The following EYA2 variants were observed in gnomAD, a reference collection of about 807,000 sequenced individuals.
EYA2 encodes the protein EYA transcriptional coactivator and phosphatase 2, also known as protein phosphatase EYA2.
Under a neutral mutation model 69.2 loss-of-function variants are expected in EYA2, and 31 were observed. The observed-to-expected ratio is 0.45, with a 90% confidence interval of 0.34 to 0.60. The LOEUF (loss-of-function observed/expected upper bound fraction) is 0.60, where lower values mean the gene tolerates loss of function less well. Ranked by LOEUF, EYA2 falls within the 20% of genes least tolerant of loss-of-function variation. The probability of loss-of-function intolerance (pLI) is 0.02; values close to 1 mark genes in which losing one functional copy is unlikely to be tolerated. For synonymous variants in EYA2, 257 were observed against 279.4 expected, an observed-to-expected ratio of 0.92 and a Z score of 0.80; for missense variants, 622 against 701.2, an observed-to-expected ratio of 0.89 and a Z score of 1.28.
chr20:47,162,968 A>G (rs1161989090), intron 10 of EYA2, among the ~76,000 whole-genome samples: 2 of 152,136 alleles, frequency 1.3e-5, no homozygotes, highest in East Asian at 3.8e-4. Context: ...CAATATATCC[A>G]TATAAAAATC....
intron 1 of EYA2, among the ~76,000 whole-genome samples, 168 bp downstream of exon 1, chr20:46,895,155 A>G (rs996389103): frequency 2.0e-5 from 3 of 152,128 alleles, no homozygotes; most frequent in African/African-American, 7.2e-5. Flanking sequence ...CAGGGCCAGG[A>G]AGGCACAAGG....
chr20:47,085,879 C>A (rs920024486), intron 7 of EYA2, among the ~76,000 whole-genome samples: 1 of 152,110 alleles, frequency 6.6e-6, no homozygotes, highest in African/African-American at 2.4e-5. Flanking sequence ...CAAGGAAATT[C>A]TTGGGGTGCT....
chr20:46,996,721 A>G (rs892067819), intron 2 of EYA2, among the ~76,000 whole-genome samples: 4 of 152,180 alleles, frequency 2.6e-5, no homozygotes, highest in Admixed American at 2.0e-4. Context: ...AAACTGGGTA[A>G]TTTTAAAGAA....
chr20:47,187,504 G>T (rs908035104), intron 15 of EYA2, among the ~76,000 whole-genome samples: 1 of 152,166 alleles, frequency 6.6e-6, no homozygotes, highest in Non-Finnish European at 1.5e-5. Flanking sequence ...GCCTGCTGAA[G>T]ACTCTCCAAG....
At chr20:46,932,484 G>GC (rs1985714189) in intron 1 of EYA2, among the ~76,000 whole-genome samples, 1 of 152,146 alleles carries the variant, frequency 6.6e-6, no homozygotes, top group Non-Finnish European at 1.5e-5. Context: ...ATTCCCATGT[G>GC]CCAAGGGAGG....
intron 9 of EYA2, among the ~76,000 whole-genome samples, chr20:47,099,727 C>T (rs2032369740): frequency 6.6e-6 from 1 of 152,170 alleles, no homozygotes. Flanking sequence ...TCATTTAAAA[C>T]GTAGCTTCCT....
intron 10 of EYA2, among the ~76,000 whole-genome samples, chr20:47,167,669 A>G (rs1026813694): frequency 7.2e-5 from 11 of 151,922 alleles, no homozygotes; most frequent in African/African-American, 2.7e-4. Context: ...TTCAAAGCAC[A>G]TGACTCCAGT....
intron 5 of EYA2, among the ~76,000 whole-genome samples, chr20:47,046,544 C>A (rs971080543): frequency 6.6e-6 from 1 of 152,178 alleles, no homozygotes; most frequent in Non-Finnish European, 1.5e-5. Context: ...AAAACAACAG[C>A]CCTCCCTTGG....
intron 10 of EYA2, among the ~76,000 whole-genome samples, chr20:47,157,625 G>A (rs1379282043): frequency 4.6e-5 from 7 of 151,926 alleles, no homozygotes; most frequent in African/African-American, 1.7e-4. Context: ...TTACAAGAAT[G>A]CCAGGCACAC....
At chr20:47,142,005 A>G (rs574608267) in intron 9 of EYA2, among the ~76,000 whole-genome samples, 1 of 152,238 alleles carries the variant, frequency 6.6e-6, no homozygotes, top group South Asian at 2.1e-4. Flanking sequence ...CGTTCTCTTC[A>G]TGTCCTCCCA....
At chr20:47,102,570 G>C (rs1890987) in intron 9 of EYA2, among the ~76,000 whole-genome samples, 51,994 of 152,032 alleles carry the variant, frequency 0.34, 10,613 homozygotes, top group Non-Finnish European at 0.45. Flanking sequence ...GCTGTTTTTT[G>C]GGGGAACTAA....
chr20:46,899,839 C>G (rs1440249137), intron 1 of EYA2, among the ~76,000 whole-genome samples: 5 of 152,200 alleles, frequency 3.3e-5, no homozygotes, highest in Non-Finnish European at 7.3e-5. Context: ...CTGTCATCGC[C>G]TTTGGATGAT....
chr20:47,174,074 G>A (rs535705050), intron 12 of EYA2, among the ~76,000 whole-genome samples: 1 of 152,158 alleles, frequency 6.6e-6, no homozygotes, highest in Non-Finnish European at 1.5e-5. Flanking sequence ...GTGGTACTGC[G>A]CCCTCCTCAG....
At chr20:46,964,017 T>C (rs747850479) in intron 1 of EYA2, among the ~76,000 whole-genome samples, 1 of 152,244 alleles carries the variant, frequency 6.6e-6, no homozygotes, top group African/African-American at 2.4e-5. Context: ...ATGAAATCAA[T>C]TTGGTGAGCC....
intron 5 of EYA2, among the ~76,000 whole-genome samples, chr20:47,019,868 T>C (rs1450742782): frequency 6.6e-6 from 1 of 151,010 alleles, no homozygotes; most frequent in Non-Finnish European, 1.5e-5. Context: ...ACTCAATATG[T>C]TGAGGTAGGA....
chr20:47,103,630 G>A (rs2032491578), intron 9 of EYA2, among the ~76,000 whole-genome samples: 1 of 152,126 alleles, frequency 6.6e-6, no homozygotes, highest in African/African-American at 2.4e-5. Context: ...AGGGGGAAGA[G>A]CCCCTTGTAA....
intron 1 of EYA2, among the ~76,000 whole-genome samples, chr20:46,958,564 G>A (rs534492785): frequency 1.6e-4 from 24 of 152,086 alleles, no homozygotes; most frequent in Non-Finnish European, 3.2e-4. Context: ...TTTTTAAACT[G>A]TTAAGTTCAG....
intron 1 of EYA2, among the ~76,000 whole-genome samples, chr20:46,973,925 A>G (rs1980296278): frequency 6.6e-6 from 1 of 152,184 alleles, no homozygotes; most frequent in African/African-American, 2.4e-5. Context: ...GTAATGATGT[A>G]ATTAGAGGAG....
chr20:47,050,155 G>A (rs2030254870), intron 5 of EYA2, among the ~76,000 whole-genome samples: 1 of 152,162 alleles, frequency 6.6e-6, no homozygotes, highest in African/African-American at 2.4e-5. Context: ...GTCCCAATGG[G>A]GCAAGGAGTC....
Sources: allele counts gnomAD v4.1 joint callset (sites outside exome capture counted in the v4.1 genomes callset), GRCh38; gene constraint gnomAD v4.1.1; transcripts MANE v1.5; gene names NCBI Gene and HGNC (gene_info 2026-07-23, HGNC 2026-07-21).